The following AGMO variants were observed in gnomAD, a reference collection of about 807,000 sequenced individuals.
The protein encoded by AGMO is glyceryl-ether monooxygenase.
AGMO carries 75 observed loss-of-function variants against 60.2 expected under a neutral mutation model. That is an observed-to-expected ratio of 1.25 (90% CI 1.03 to 1.51). The LOEUF (loss-of-function observed/expected upper bound fraction) is 1.51. Ranked by LOEUF, AGMO falls within the 40% of genes most tolerant of loss-of-function variation. The pLI, the probability that AGMO is intolerant of heterozygous loss-of-function variation, is 0.00. For synonymous variants in AGMO, 261 were observed against 177.1 expected, an observed-to-expected ratio of 1.47 and a Z score of -3.76; for missense variants, 763 against 525.5, an observed-to-expected ratio of 1.45 and a Z score of -4.42.
At chr7:15,119,723 C>G in the AGMO span, among the ~76,000 whole-genome samples, 1 of 152,066 alleles carries the variant, frequency 6.6e-6, no homozygotes, top group African/African-American at 2.4e-5. Context: ...TACAATTATA[C>G]TATATGCAAT....
chr7:15,339,041 A>C (rs1781750274), intron 12 of AGMO, among the ~76,000 whole-genome samples: 1 of 152,160 alleles, frequency 6.6e-6, no homozygotes. Context: ...AGCATCTTAT[A>C]ATTTCTCCAG....
chr7:15,189,820 A>T, the AGMO span, among the ~76,000 whole-genome samples: 2 of 150,988 alleles, frequency 1.3e-5, no homozygotes, highest in Admixed American at 6.6e-5. Flanking sequence ...TACAGTTTTC[A>T]GAAATGTAAA....
intron 12 of AGMO, among the ~76,000 whole-genome samples, chr7:15,362,278 T>G (rs1782797461): frequency 6.6e-6 from 1 of 152,166 alleles, no homozygotes; most frequent in Non-Finnish European, 1.5e-5. Flanking sequence ...GTTGTAATTT[T>G]TACCATGTTT....
chr7:15,385,194 C>A (rs986838472), intron 10 of AGMO, among the ~76,000 whole-genome samples: 3 of 152,116 alleles, frequency 2.0e-5, no homozygotes, highest in Non-Finnish European at 4.4e-5. Flanking sequence ...CAAATAATTT[C>A]TTATTTATCA....
chr7:15,301,209 C>G (rs764205752), intron 12 of AGMO, among the ~76,000 whole-genome samples: 7 of 152,110 alleles, frequency 4.6e-5, no homozygotes, highest in African/African-American at 7.2e-5. Context: ...GAGGCCAAGG[C>G]AGGTGGATCA....
At chr7:15,310,488 C>A (rs962278185) in intron 12 of AGMO, among the ~76,000 whole-genome samples, 8 of 152,052 alleles carry the variant, frequency 5.3e-5, no homozygotes, top group African/African-American at 1.9e-4. Flanking sequence ...TACTAAAAAA[C>A]AAAATTAAAT....
chr7:15,536,258 T>C (rs1784481082), intron 3 of AGMO, among the ~76,000 whole-genome samples: 1 of 151,906 alleles, frequency 6.6e-6, no homozygotes, highest in African/African-American at 2.4e-5. Context: ...AGTTAATAAG[T>C]GTCAGTACAA....
At chr7:15,234,777 A>C (rs1782368472) in intron 12 of AGMO, among the ~76,000 whole-genome samples, 2 of 152,210 alleles carry the variant, frequency 1.3e-5, no homozygotes, top group South Asian at 4.1e-4. Context: ...CTGAAATTTG[A>C]ATTTTACATC....
chr7:15,352,680 T>C (rs1299414095), intron 12 of AGMO, among the ~76,000 whole-genome samples: 1 of 151,864 alleles, frequency 6.6e-6, no homozygotes, highest in East Asian at 1.9e-4. Context: ...AAGCCCATAA[T>C]GAGTCCCTGT....
intron 3 of AGMO, among the ~76,000 whole-genome samples, chr7:15,467,916 T>C (rs1782337153): frequency 1.3e-5 from 2 of 152,092 alleles, no homozygotes; most frequent in African/African-American, 4.8e-5. Context: ...GTTTCACCCC[T>C]GGATCCCCGT....
Position 15,462,360 on chromosome 7 carries a change from T to A in AGMO, c.410-31252A>T, listed in dbSNP as rs117526203. 7.9e-5 allele frequency among the ~76,000 whole-genome samples: 12 copies of A among 152,298 alleles called. No homozygotes were observed. The East Asian group carries it at 2.3e-3, about 29-fold the overall frequency. On this transcript the variant is annotated intron_variant, in intron 3 of 12. Coordinates refer to ENST00000342526, the MANE Select transcript of AGMO (RefSeq NM_001004320.2). ...AAAATCTAATAAAAGTTATTTATTGTTTGATTGCATATAAATCATCAAATT... is the reference window on the plus strand; with the variant it reads ...AAAATCTAATAAAAGTTATTTATTGATTGATTGCATATAAATCATCAAATT...
At chr7:15,130,799 G>C in the AGMO span, among the ~76,000 whole-genome samples, 4 of 152,038 alleles carry the variant, frequency 2.6e-5, no homozygotes, top group Non-Finnish European at 5.9e-5. Flanking sequence ...GATATGTCTG[G>C]CATTTATGTG....
chr7:15,460,303 G>A (rs1782112596), intron 3 of AGMO, among the ~76,000 whole-genome samples: 1 of 151,646 alleles, frequency 6.6e-6, no homozygotes. Context: ...TGGCCAGGCT[G>A]GTCTCAAACT....
chr7:15,287,848 A>G (rs1215233168), intron 12 of AGMO, among the ~76,000 whole-genome samples: 1 of 152,202 alleles, frequency 6.6e-6, no homozygotes, highest in Admixed American at 6.5e-5. Context: ...CAATGTAAAA[A>G]GAATTTTCTC....
chr7:15,317,994 G>A (rs1189976571), intron 12 of AGMO, among the ~76,000 whole-genome samples: 5 of 134,932 alleles, frequency 3.7e-5, no homozygotes, highest in Non-Finnish European at 4.7e-5. Context: ...ATATATACAC[G>A]TATATATATA....
intron 3 of AGMO, among the ~76,000 whole-genome samples, chr7:15,448,782 G>A (rs187430749): frequency 1.3e-3 from 193 of 152,244 alleles, no homozygotes; most frequent in African/African-American, 4.5e-3. Context: ...TCAGCTGTGA[G>A]GAGAGTTGAA....
the AGMO span, among the ~76,000 whole-genome samples, chr7:15,174,012 C>G: frequency 2.6e-5 from 4 of 151,794 alleles, no homozygotes; most frequent in Non-Finnish European, 5.9e-5. Context: ...TTTTATGTTT[C>G]TCTTTTATTT....
At chr7:15,184,357 GGGAAGGAAGGGAA>G in the AGMO span, among the ~76,000 whole-genome samples, 49,393 of 60,758 alleles carry the variant, frequency 0.81, 20,467 homozygotes, top group East Asian at 0.98. Context: ...AAGGGAGGGA[GGGAAGGAAGGGAA>G]GGAAGGAAGG....
chr7:15,408,487 T>C (rs1784761872), intron 5 of AGMO, among the ~76,000 whole-genome samples: 1 of 151,838 alleles, frequency 6.6e-6, no homozygotes, highest in South Asian at 2.1e-4. Flanking sequence ...AGGCAAGCGG[T>C]ATTAACGAAC....
Sources: allele counts gnomAD v4.1 joint callset (sites outside exome capture counted in the v4.1 genomes callset), GRCh38; gene constraint gnomAD v4.1.1; transcripts MANE v1.5; gene names NCBI Gene and HGNC (gene_info 2026-07-23, HGNC 2026-07-21).